KCNJ6: variants seen among roughly 807,000 people sequenced by gnomAD.
KCNJ6 encodes G protein-activated inward rectifier potassium channel 2.
KCNJ6 carries 9 observed loss-of-function variants against 34.2 expected under a neutral mutation model. The ratio of observed to expected loss-of-function variants is 0.26; its 90% CI spans 0.16 to 0.46. The LOEUF (loss-of-function observed/expected upper bound fraction) is 0.46, where lower values mean the gene tolerates loss of function less well. Ranked by LOEUF, KCNJ6 falls within the 20% of genes least tolerant of loss-of-function variation. The probability of loss-of-function intolerance (pLI) is 1.00; values close to 1 mark genes in which losing one functional copy is unlikely to be tolerated. For synonymous variants in KCNJ6, 196 were observed against 207.1 expected (o/e 0.95, Z 0.46); for missense variants, 236 against 531.3 (o/e 0.44, Z 5.46).
At position 37,712,249 on chromosome 21, in the gene KCNJ6, T is replaced by C. The variant is rs572579003; in HGVS notation, c.946+1962A>G. On this transcript the variant is annotated intron_variant, in intron 3 of 3. Coordinates refer to ENST00000609713, the MANE Select transcript of KCNJ6 (RefSeq NM_002240.5). Reference sequence around the variant, plus strand: ...AGCTTGGAGACACTGCCCTCTCTCATGTCCTCTTGGGGGAATTTATGGTGA... The same window carrying C: ...AGCTTGGAGACACTGCCCTCTCTCACGTCCTCTTGGGGGAATTTATGGTGA... Among the ~76,000 whole-genome samples the C allele has an allele frequency of 1.6e-4, 25 of 152,252 alleles. 1 individual carries two copies. The highest frequency in any genetic ancestry group is 8.5e-4 in the Admixed American group (13 of 15,302).
intron 3 of KCNJ6, among the ~76,000 whole-genome samples, chr21:37,667,288 G>A (rs191497142): frequency 2.6e-5 from 4 of 151,806 alleles, no homozygotes; most frequent in Non-Finnish European, 5.9e-5. Flanking sequence ...ATCCAGGCCA[G>A]GGTTCCACAT....
At chr21:37,913,054 C>A (rs1043462569) in intron 1 of KCNJ6, among the ~76,000 whole-genome samples, 5 of 152,184 alleles carry the variant, frequency 3.3e-5, no homozygotes, top group African/African-American at 1.2e-4. Context: ...CCTTGTAACA[C>A]CTGGATGGCA....
chr21:37,691,035 C>A (rs2054637393), intron 3 of KCNJ6, among the ~76,000 whole-genome samples: 1 of 152,182 alleles, frequency 6.6e-6, no homozygotes, highest in African/African-American at 2.4e-5. Flanking sequence ...CCTGCCTCAG[C>A]CTCCTAAAGT....
chr21:37,851,141 G>A (rs1221648126), intron 1 of KCNJ6, among the ~76,000 whole-genome samples: 1 of 152,166 alleles, frequency 6.6e-6, no homozygotes, highest in Non-Finnish European at 1.5e-5. Flanking sequence ...CATGATAACA[G>A]CTCCTTCCCA....
intron 3 of KCNJ6, among the ~76,000 whole-genome samples, chr21:37,665,862 G>A (rs2054511568): frequency 6.6e-6 from 1 of 152,026 alleles, no homozygotes; most frequent in South Asian, 2.1e-4. Flanking sequence ...CCAGAGGTTT[G>A]CTTGTTTAGT....
At chr21:37,878,825 AC>A (rs1362575302) in intron 1 of KCNJ6, among the ~76,000 whole-genome samples, 2 of 151,962 alleles carry the variant, frequency 1.3e-5, no homozygotes, top group Non-Finnish European at 2.9e-5. Flanking sequence ...ACCAGCACTC[AC>A]CCCCACTGGA....
chr21:37,847,581 T>C (rs934596112), intron 1 of KCNJ6, among the ~76,000 whole-genome samples: 1 of 152,196 alleles, frequency 6.6e-6, no homozygotes, highest in Non-Finnish European at 1.5e-5. Context: ...GACATCCAGG[T>C]AAAGCCAGCT....
chr21:37,682,528 C>T (rs2054595153), intron 3 of KCNJ6, among the ~76,000 whole-genome samples: 1 of 99,470 alleles, frequency 1.0e-5, no homozygotes, highest in Non-Finnish European at 2.0e-5. Flanking sequence ...CAGTCTCTGC[C>T]TCCATCTTCA....
chr21:37,744,849 A>C (rs1205562582), intron 2 of KCNJ6, among the ~76,000 whole-genome samples: 1 of 152,168 alleles, frequency 6.6e-6, no homozygotes, highest in African/African-American at 2.4e-5. Flanking sequence ...TTTATATGGC[A>C]TATAGTAGGC....
chr21:37,780,978 T>A (rs775332195), intron 2 of KCNJ6, among the ~76,000 whole-genome samples: 30 of 152,242 alleles, frequency 2.0e-4, no homozygotes, highest in Admixed American at 6.5e-5. Flanking sequence ...ATTTGCCTCA[T>A]GTTCCAACAA....
At chr21:37,743,212 C>T (rs1420685156) in intron 2 of KCNJ6, among the ~76,000 whole-genome samples, 1 of 152,176 alleles carries the variant, frequency 6.6e-6, no homozygotes, top group Non-Finnish European at 1.5e-5. Context: ...TTGTCCCCAG[C>T]CCAGTGTCTG....
At chr21:37,908,549 G>A (rs77097284) in intron 1 of KCNJ6, among the ~76,000 whole-genome samples, 2,275 of 152,266 alleles carry the variant, frequency 0.015, 107 homozygotes, top group East Asian at 0.13. Flanking sequence ...GACACAATGT[G>A]GGTGTAATTG....
At position 37,723,848 on chromosome 21, in the gene KCNJ6, C is replaced by T. The variant is rs186423314; in HGVS notation, c.26-8717G>A. 8.3e-4 allele frequency among the ~76,000 whole-genome samples: 126 copies of T among 152,114 alleles called. 1 individual carries two copies. The highest frequency in any genetic ancestry group is 3.4e-3 in the Middle Eastern group (1 of 294). On this transcript the variant is annotated intron_variant, in intron 2 of 3. Coordinates refer to ENST00000609713, the MANE Select transcript of KCNJ6 (RefSeq NM_002240.5). ...GTGTGACAGAATGCTGTACTCCAAACCTCAGCATCAAGCAATATGCCCATG... is the reference window on the plus strand; with the variant it reads ...GTGTGACAGAATGCTGTACTCCAAATCTCAGCATCAAGCAATATGCCCATG...
intron 1 of KCNJ6, among the ~76,000 whole-genome samples, chr21:37,870,197 G>A (rs2055643317): frequency 1.3e-5 from 2 of 152,028 alleles, no homozygotes; most frequent in Non-Finnish European, 1.5e-5. Context: ...TGCAATCCAT[G>A]GAGGATTTCC....
In KCNJ6 at chr21:37,624,994, A is replaced by G. The variant is rs577505959; in HGVS notation, c.*165T>C. The G allele has an allele frequency of 1.1e-5, 7 of 613,360 alleles. No individual in the cohort carries two copies. The Admixed American group carries it at 2.1e-4, about 18-fold the overall frequency. 38.0% of individuals were successfully genotyped at this position (613,360 alleles called of 1,614,324 possible). A position where few individuals can be genotyped will look rare whatever the true frequency, so the allele number is the denominator to read the frequency against. On this transcript the variant is annotated 3_prime_UTR_variant, in exon 4 of 4. Coordinates refer to ENST00000609713, the MANE Select transcript of KCNJ6 (RefSeq NM_002240.5). Reference sequence around the variant, plus strand: ...CCTTGTCAATCTGAATAACTGAGAGAGGGCAGGTAGATATTTTACACCTTG... The same window carrying G: ...CCTTGTCAATCTGAATAACTGAGAGGGGGCAGGTAGATATTTTACACCTTG...
chr21:37,788,670 G>T (rs2055203094), intron 2 of KCNJ6, among the ~76,000 whole-genome samples: 2 of 152,150 alleles, frequency 1.3e-5, no homozygotes. Flanking sequence ...TGAGAAATCT[G>T]CCCAGGTGCC....
intron 1 of KCNJ6, among the ~76,000 whole-genome samples, chr21:37,892,173 G>C (rs910639048): frequency 2.6e-5 from 4 of 152,164 alleles, no homozygotes; most frequent in Admixed American, 1.3e-4. Flanking sequence ...AATCAGTCTA[G>C]GGTTTTAGAG....
chr21:37,860,689 G>C (rs188004208), intron 1 of KCNJ6, among the ~76,000 whole-genome samples: 113 of 152,040 alleles, frequency 7.4e-4, no homozygotes, highest in African/African-American at 2.6e-3. Flanking sequence ...CATTGTACTT[G>C]CCAGAAAAGC....
At chr21:37,806,789 A>G (rs2055295623) in intron 2 of KCNJ6, among the ~76,000 whole-genome samples, 1 of 152,250 alleles carries the variant, frequency 6.6e-6, no homozygotes, top group African/African-American at 2.4e-5. Context: ...TTTGAGAGTA[A>G]TAAATTGCTG....
Sources: allele counts gnomAD v4.1 joint callset (sites outside exome capture counted in the v4.1 genomes callset), GRCh38; gene constraint gnomAD v4.1.1; transcripts MANE v1.5; gene names NCBI Gene and HGNC (gene_info 2026-07-23, HGNC 2026-07-21).